AGAP1: variants seen among roughly 807,000 people sequenced by gnomAD.
The protein encoded by AGAP1 is ArfGAP with GTPase domain, ankyrin repeat and PH domain 1.
Under a neutral mutation model 105.3 loss-of-function variants are expected in AGAP1, and 29 were observed. The ratio of observed to expected loss-of-function variants is 0.28; its 90% CI spans 0.21 to 0.38. The LOEUF (loss-of-function observed/expected upper bound fraction) is 0.38. Among genes scored for constraint, AGAP1 ranks in the 10% least tolerant of loss-of-function variants. The pLI is 1.00. For missense variants in AGAP1, 998 were observed against 1,165.1 expected, an observed-to-expected ratio of 0.86 and a Z score of 2.09; for synonymous variants, 509 against 485.9, an observed-to-expected ratio of 1.05 and a Z score of -0.63.
intron 3 of AGAP1, among the ~76,000 whole-genome samples, chr2:235,726,849 C>G (rs1951673492): frequency 6.6e-6 from 1 of 152,298 alleles, no homozygotes; most frequent in South Asian, 2.1e-4. Flanking sequence ...ACTTGCATCT[C>G]TGGAGCTGCC....
intron 13 of AGAP1, among the ~76,000 whole-genome samples, chr2:235,997,397 C>A (rs1467485034): frequency 1.3e-5 from 2 of 152,196 alleles, no homozygotes; most frequent in African/African-American, 4.8e-5. Flanking sequence ...TAATGAAGAT[C>A]TTTTAAAATA....
intron 1 of AGAP1, chr2:235,669,621 A>ACCGCCTC (rs1553601596): frequency 8.0e-6 from 1 of 125,296 alleles, no homozygotes; most frequent in African/African-American, 2.9e-5. Flanking sequence ...TCCATTTTAA[A>ACCGCCTC]CCGCCGCCCG....
rs773463139 is a variant in AGAP1 at position 235,853,249 on chromosome 2, G to A, written c.1051-30096G>A. 1.6e-4 allele frequency: 155 copies of A among 998,382 alleles called. 1 individual carries two copies. Among genetic ancestry groups the A allele is most frequent in the Non-Finnish European group, 1.7e-4 (146 of 838,410 alleles). 61.8% of individuals were successfully genotyped at this position (998,382 alleles called of 1,614,324 possible). On this transcript the variant is annotated intron_variant, in intron 9 of 17. Transcript: ENST00000304032. Reference sequence around the variant, plus strand: ...TTTATAGACTGGATGAGAGAAAAACGGGGTAAAATGGCTCCCCCTACTCTG... The same window carrying A: ...TTTATAGACTGGATGAGAGAAAAACAGGGTAAAATGGCTCCCCCTACTCTG...
chr2:235,952,632 G>A (rs577566557), intron 12 of AGAP1, among the ~76,000 whole-genome samples: 48 of 152,214 alleles, frequency 3.2e-4, no homozygotes, highest in African/African-American at 1.1e-3. Flanking sequence ...GAAATATTCT[G>A]TTTTGTTCCA....
chr2:235,982,463 A>G lies in AGAP1; in HGVS notation c.1645+13840A>G, dbSNP rs989381093. On this transcript the variant is annotated intron_variant, in intron 13 of 17. Coordinates refer to ENST00000304032, the MANE Select transcript of AGAP1 (RefSeq NM_001037131.3). This position sits in a 1 kb window ranked among gnomAD's most constrained non-coding sequence, Gnocchi z 4.9. ...GAAGGAAGGGGGGACGATTCATGCA[A>G]TGAGGCACTGCTGTTGTGGGGTGTT... is the stretch of plus-strand genomic sequence containing the variant. 3.3e-5 allele frequency among the ~76,000 whole-genome samples: 5 copies of G among 152,168 alleles called. No homozygotes were observed. Among genetic ancestry groups the G allele is most frequent in the East Asian group, 1.9e-4 (1 of 5,196 alleles).
Position 235,639,556 on chromosome 2 carries a change from G to T in AGAP1, c.164-69623G>T, listed in dbSNP as rs1947122137. On this transcript the variant is annotated intron_variant, in intron 1 of 17. Coordinates refer to ENST00000304032, the MANE Select transcript of AGAP1 (RefSeq NM_001037131.3). The surrounding 1 kb of genome is among the most constrained non-coding windows in gnomAD (Gnocchi z 5.3). Reference sequence around the variant, plus strand: ...AACATCGTGGGATGATCTCATGGTGGGTGGGACTTGTCGCCGTCATGCACT... The same window carrying T: ...AACATCGTGGGATGATCTCATGGTGTGTGGGACTTGTCGCCGTCATGCACT... Among the ~76,000 whole-genome samples, 1 of 152,122 alleles carries T rather than the reference G, an allele frequency of 6.6e-6. No homozygotes were observed. The highest frequency in any genetic ancestry group is 1.5e-5 in the Non-Finnish European group (1 of 68,032).
At chr2:235,995,370 T>C (rs11688830) in intron 13 of AGAP1, among the ~76,000 whole-genome samples, 98,903 of 151,490 alleles carry the variant, frequency 0.65, 33,214 homozygotes, top group African/African-American at 0.83. Flanking sequence ...AAAAATTAGC[T>C]AAGCTTGGTG....
chr2:235,939,641 T>G (rs2053165485), intron 12 of AGAP1, among the ~76,000 whole-genome samples: 1 of 151,974 alleles, frequency 6.6e-6, no homozygotes. Context: ...CCCAGCACCC[T>G]CCAACACTGC....
intron 13 of AGAP1, among the ~76,000 whole-genome samples, chr2:236,030,503 C>G (rs2057191704): frequency 6.6e-6 from 1 of 152,218 alleles, no homozygotes. Context: ...TTGCCAGGTG[C>G]TGGACCCTGG....
intron 12 of AGAP1, among the ~76,000 whole-genome samples, chr2:235,966,804 C>T (rs1186426666): frequency 3.9e-5 from 6 of 152,034 alleles, no homozygotes; most frequent in Admixed American, 3.9e-4. Flanking sequence ...TGAAGGGTGA[C>T]GCTTCCGACT....
In AGAP1 at chr2:235,989,294, C is replaced by T. The variant is rs970384864; in HGVS notation, c.1645+20671C>T. On this transcript the variant is annotated intron_variant, in intron 13 of 17. Transcript: ENST00000304032. This position sits in a 1 kb window ranked among gnomAD's most constrained non-coding sequence, Gnocchi z 4.4. ...CGCTGCTGCGTGTGGCTTCACCCAG[C>T]TCCTCTGCCCATCTGGTGACTTTGC... 6.6e-6 allele frequency among the ~76,000 whole-genome samples: 1 copy of T among 152,170 alleles called. No homozygotes were observed. Among genetic ancestry groups the T allele is most frequent in the Non-Finnish European group, 1.5e-5 (1 of 68,038 alleles).
chr2:235,977,896 G>A lies in AGAP1; in HGVS notation c.1645+9273G>A, dbSNP rs2054927380. ...CCACAGACTGGGGGCTTAACCAGCA[G>A]AAACTCATTTATCATGGTTCTGAAG... On this transcript the variant is annotated intron_variant, in intron 13 of 17. Transcript: ENST00000304032. The surrounding 1 kb of genome is among the most constrained non-coding windows in gnomAD (Gnocchi z 5.2). Among the ~76,000 whole-genome samples the A allele has an allele frequency of 6.6e-6, 1 of 152,160 alleles. No individual in the cohort carries two copies. The highest frequency in any genetic ancestry group is 1.5e-5 in the Non-Finnish European group (1 of 68,036).
At chr2:235,924,018 C>A (rs1382152416) in intron 11 of AGAP1, among the ~76,000 whole-genome samples, 5 of 152,114 alleles carry the variant, frequency 3.3e-5, no homozygotes, top group Admixed American at 3.3e-4. Context: ...CGTAAGCAAG[C>A]CTGTCCAAAG....
At chr2:235,911,320 G>A (rs2051600243) in intron 11 of AGAP1, among the ~76,000 whole-genome samples, 1 of 152,130 alleles carries the variant, frequency 6.6e-6, no homozygotes, top group African/African-American at 2.4e-5. Context: ...CAGGAGGGCT[G>A]TGTAAAGGGC....
chr2:235,888,333 T>C lies in AGAP1; in HGVS notation c.1155+4884T>C, dbSNP rs76293227. 0.034 allele frequency among the ~76,000 whole-genome samples: 5,155 copies of C among 152,134 alleles called. 302 individuals are homozygous for C. Among genetic ancestry groups the C allele is most frequent in the African/African-American group, 0.12 (4,887 of 41,492 alleles). On this transcript the variant is annotated intron_variant, in intron 10 of 17. Transcript: ENST00000304032. The surrounding 1 kb of genome is among the most constrained non-coding windows in gnomAD (Gnocchi z 4.8). ...GTGACACAGGGATGTTCAGGCATAG[T>C]AGCTGATGTCAGAGGATTGCCTGTG...
At position 235,614,466 on chromosome 2, in the gene AGAP1, T is replaced by C. The variant is rs1339531589; in HGVS notation, c.164-94713T>C. Among the ~76,000 whole-genome samples, 1 of 151,910 alleles carries C rather than the reference T, an allele frequency of 6.6e-6. No homozygotes were observed. Among genetic ancestry groups the C allele is most frequent in the African/African-American group, 2.4e-5 (1 of 41,330 alleles). On this transcript the variant is annotated intron_variant, in intron 1 of 17. Coordinates refer to ENST00000304032, the MANE Select transcript of AGAP1 (RefSeq NM_001037131.3). This position sits in a 1 kb window ranked among gnomAD's most constrained non-coding sequence, Gnocchi z 4.7. The stretch of plus-strand genomic sequence containing the variant: ...GTATTTGGGGAGGGAAGAAGGCAGT[T>C]GTAGCTCAAGGGAGAGAAAAGGCAA...
At position 235,621,161 on chromosome 2, in the gene AGAP1, A is replaced by G. The variant is rs1946465031; in HGVS notation, c.164-88018A>G. Among the ~76,000 whole-genome samples the G allele has an allele frequency of 6.6e-6, 1 of 152,138 alleles. No homozygotes were observed. The highest frequency in any genetic ancestry group is 1.5e-5 in the Non-Finnish European group (1 of 68,020). ...CTTGGCCTCCGGAGGAGCTGAGACT[A>G]CAGGCGCCCGCCACCACACCCGGCT... On this transcript the variant is annotated intron_variant, in intron 1 of 17. Transcript: ENST00000304032. This position sits in a 1 kb window ranked among gnomAD's most constrained non-coding sequence, Gnocchi z 4.1.
At chr2:235,860,658 T>G (rs886095460) in intron 9 of AGAP1, among the ~76,000 whole-genome samples, 1 of 152,218 alleles carries the variant, frequency 6.6e-6, no homozygotes, top group Non-Finnish European at 1.5e-5. Flanking sequence ...GTGGCAGTAG[T>G]ACAGATTCTG....
rs1206727141 is a variant in AGAP1 at position 235,622,718 on chromosome 2, T to A, written c.164-86461T>A. On this transcript the variant is annotated intron_variant, in intron 1 of 17. Coordinates refer to ENST00000304032, the MANE Select transcript of AGAP1 (RefSeq NM_001037131.3). The surrounding 1 kb of genome is among the most constrained non-coding windows in gnomAD (Gnocchi z 5.0). ...TGTGGATCACTTGGACCACGGTAGCTAATGTTTGTAGCGCGCTCACGTATG... is the reference window on the plus strand; with the variant it reads ...TGTGGATCACTTGGACCACGGTAGCAAATGTTTGTAGCGCGCTCACGTATG... Among the ~76,000 whole-genome samples the A allele has an allele frequency of 6.6e-6, 1 of 152,076 alleles. No homozygotes were observed. Among genetic ancestry groups the A allele is most frequent in the Non-Finnish European group, 1.5e-5 (1 of 68,036 alleles).
Sources: gnomAD v4.1 joint callset for allele counts (sites outside exome capture counted in the v4.1 genomes callset) on GRCh38, gnomAD v4.1.1 for gene constraint, Gnocchi (gnomAD v3.1) non-coding constraint, MANE v1.5 for transcripts, NCBI Gene and HGNC (gene_info 2026-07-23, HGNC 2026-07-21) for gene names.